The following SFMBT1 variants were observed in gnomAD, a reference collection of about 807,000 sequenced individuals.
SFMBT1 encodes the protein scm-like with four MBT domains protein 1.
Under a neutral mutation model 108.7 loss-of-function variants are expected in SFMBT1, and 32 were observed. The observed-to-expected ratio is 0.29, with a 90% CI of 0.22 to 0.40. The LOEUF (loss-of-function observed/expected upper bound fraction) is 0.40, where lower values mean the gene tolerates loss of function less well. Among genes scored for constraint, SFMBT1 ranks in the 10% least tolerant of loss-of-function variants. The pLI, the probability that SFMBT1 is intolerant of heterozygous loss-of-function variation, is 1.00. For missense variants in SFMBT1, 816 were observed against 1,059.6 expected (o/e 0.77, Z 3.19); for synonymous variants, 348 against 369.5 (o/e 0.94, Z 0.67).
At chr3:52,926,207 G>A (rs189846610) in intron 9 of SFMBT1, 94 bp from the exon 10 acceptor site, 1 of 1,040,512 alleles carries the variant, frequency 9.6e-7, no homozygotes. Context: ...ACAACTTCCA[G>A]TGATGCTAGT....
In SFMBT1 at chr3:52,907,246, T is replaced by C; in HGVS notation, c.2154A>G (p.Thr718=). The C allele has an allele frequency of 6.2e-7, 1 of 1,614,134 alleles. No individual in the cohort carries two copies. Among genetic ancestry groups the C allele is most frequent in the Non-Finnish European group, 8.5e-7 (1 of 1,180,024 alleles). ...GDDDSLSEGS[T]SEQQDELQEE... ...CCTGTAGCTCATCCTGCTGCTCGGATGTACTGCCTTCACTTAGGGAATCAT... is the reference window on the plus strand; with the variant it reads ...CCTGTAGCTCATCCTGCTGCTCGGACGTACTGCCTTCACTTAGGGAATCAT... Residue 718 remains threonine (T), a synonymous_variant, in exon 19 of 21, where the codon ACA becomes ACG. Coordinates refer to ENST00000394752, the MANE Select transcript of SFMBT1 (RefSeq NM_016329.4).
At chr3:53,045,683 C>G (rs1461758224) in intron 1 of SFMBT1, 133 bp downstream of exon 1, 3 of 140,382 alleles carry the variant, frequency 2.1e-5, no homozygotes, top group Non-Finnish European at 4.6e-5. Context: ...CCCGCCGGCG[C>G]CCGGCGGTTT....
intron 1 of SFMBT1, among the ~76,000 whole-genome samples, chr3:52,971,067 T>C (rs1704324500): frequency 6.6e-6 from 1 of 151,580 alleles, no homozygotes; most frequent in Non-Finnish European, 1.5e-5. Context: ...CCCAGGAGGC[T>C]GAGGGTAAGG....
At position 52,995,323 on chromosome 3, in the gene SFMBT1, G is replaced by T. The variant is rs772324545; in HGVS notation, c.-130-26065C>A. ...AAATGGACCATAAACCTAAATGTAAGAGCCAATATTTTTTAATATCCAGAA... is the reference window on the plus strand; with the variant it reads ...AAATGGACCATAAACCTAAATGTAATAGCCAATATTTTTTAATATCCAGAA... On this transcript the variant is annotated intron_variant, in intron 1 of 20. Transcript: ENST00000394752. Among the ~76,000 whole-genome samples the T allele has an allele frequency of 3.2e-4, 48 of 150,228 alleles. 2 individuals are homozygous for T. The highest frequency in any genetic ancestry group is 5.4e-4 in the Non-Finnish European group (36 of 67,074).
Position 52,905,112 on chromosome 3 carries a change from T to C in SFMBT1, c.*24A>G, listed in dbSNP as rs202103457. 100 of 1,612,024 alleles carry C rather than the reference T, an allele frequency of 6.2e-5. No homozygotes were observed. The highest frequency in any genetic ancestry group is 2.5e-4 in the Admixed American group (15 of 59,854). ...ATTTGCTGCATTTGTGCTTCAAAGA[T>C]CCAGCTCACTTTGGTTGTCCTTCTC... On this transcript the variant is annotated 3_prime_UTR_variant, in exon 21 of 21. Transcript: ENST00000394752.
At chr3:52,927,507 T>C (rs1236307049) in intron 9 of SFMBT1, among the ~76,000 whole-genome samples, 1 of 152,188 alleles carries the variant, frequency 6.6e-6, no homozygotes, top group Non-Finnish European at 1.5e-5. Context: ...GCCAATCAAA[T>C]AATCTGATTT....
chr3:52,967,813 A>G (rs139984236), intron 2 of SFMBT1, among the ~76,000 whole-genome samples: 483 of 152,334 alleles, frequency 3.2e-3, no homozygotes, highest in African/African-American at 0.011. Context: ...AACAAAAGTA[A>G]TGACAACACC....
intron 17 of SFMBT1, among the ~76,000 whole-genome samples, chr3:52,908,413 C>T (rs1292482146): frequency 1.3e-5 from 2 of 151,956 alleles, no homozygotes; most frequent in South Asian, 2.1e-4. Context: ...GTTTTTGAGT[C>T]GTGTGTTTTA....
At chr3:52,944,112 G>A (rs945260777) in intron 3 of SFMBT1, among the ~76,000 whole-genome samples, 1 of 152,106 alleles carries the variant, frequency 6.6e-6, no homozygotes, top group Non-Finnish European at 1.5e-5. Flanking sequence ...TCTCAAAAGT[G>A]TTCTAATTTA....
At chr3:53,043,760 T>C (rs1165768267) in intron 1 of SFMBT1, among the ~76,000 whole-genome samples, 2 of 152,240 alleles carry the variant, frequency 1.3e-5, no homozygotes, top group Non-Finnish European at 2.9e-5. Flanking sequence ...TTTTAAGTTA[T>C]TCTGGATTAC....
At chr3:52,927,245 T>C (rs985920288) in intron 9 of SFMBT1, among the ~76,000 whole-genome samples, 1 of 152,154 alleles carries the variant, frequency 6.6e-6, no homozygotes, top group Non-Finnish European at 1.5e-5. Context: ...TTCCCCCTAT[T>C]TGCCCCTTGA....
chr3:52,958,365 C>T (rs1030744958), intron 2 of SFMBT1, among the ~76,000 whole-genome samples: 2 of 152,134 alleles, frequency 1.3e-5, no homozygotes, highest in African/African-American at 2.4e-5. Flanking sequence ...CCGCGGCAGG[C>T]GGACCACTTG....
rs367727549 is a variant in SFMBT1, at chr3:52,945,136, T to TAAAAAAAAAAAAAAAAAAAA, written c.124-1544_124-1543insTTTTTTTTTTTTTTTTTTTT. On this transcript the variant is annotated intron_variant, in intron 3 of 20. Coordinates refer to ENST00000394752, the MANE Select transcript of SFMBT1 (RefSeq NM_016329.4). Reference sequence around the variant, plus strand: ...TGATTTCCAAATACCACCTTCCAATTAAAAAAAAAAAAAAACAAGGACTTC... The same window carrying TAAAAAAAAAAAAAAAAAAAA: ...TGATTTCCAAATACCACCTTCCAATTAAAAAAAAAAAAAAAAAAAAAAAAAAAAAAAAAAACAAGGACTTC... Among the ~76,000 whole-genome samples the TAAAAAAAAAAAAAAAAAAAA allele has an allele frequency of 2.0e-3, 98 of 48,498 alleles. 13 individuals are homozygous for TAAAAAAAAAAAAAAAAAAAA. The highest frequency in any genetic ancestry group is 7.6e-3 in the East Asian group (11 of 1,440). 31.8% of individuals were successfully genotyped at this position (48,498 alleles called of 152,430 possible). A position where few individuals can be genotyped will look rare whatever the true frequency, so the allele number is the denominator to read the frequency against.
At chr3:52,927,697 C>T (rs1219415161) in intron 9 of SFMBT1, among the ~76,000 whole-genome samples, 1 of 152,188 alleles carries the variant, frequency 6.6e-6, no homozygotes, top group Non-Finnish European at 1.5e-5. Flanking sequence ...TTCCTACCTA[C>T]TCCCTGAGTT....
At chr3:52,978,072 T>C (rs990155805) in intron 1 of SFMBT1, among the ~76,000 whole-genome samples, 2 of 152,144 alleles carry the variant, frequency 1.3e-5, no homozygotes, top group African/African-American at 4.8e-5. Flanking sequence ...ATGAAGCTTA[T>C]ATTTTAGTGT....
chr3:53,044,826 C>G (rs1039219753), intron 1 of SFMBT1: 8 of 152,740 alleles, frequency 5.2e-5, no homozygotes, highest in Non-Finnish European at 7.3e-5. Context: ...AACACCCCCA[C>G]CTGACCCAAG....
chr3:53,000,755 C>T (rs1456770520), intron 1 of SFMBT1, among the ~76,000 whole-genome samples: 2 of 150,082 alleles, frequency 1.3e-5, no homozygotes, highest in African/African-American at 4.8e-5. Context: ...ATGCCTAATG[C>T]ATGTCCTTTG....
chr3:52,913,337 C>A, intron 15 of SFMBT1, 141 bp downstream of exon 15: 2 of 1,035,054 alleles, frequency 1.9e-6, no homozygotes, highest in South Asian at 3.7e-5. Flanking sequence ...ACCCTCTTCA[C>A]TGTCCAAAAC....
chr3:52,990,337 A>G (rs1291468218), intron 1 of SFMBT1, among the ~76,000 whole-genome samples: 1 of 152,228 alleles, frequency 6.6e-6, no homozygotes, highest in Non-Finnish European at 1.5e-5. Flanking sequence ...TGGTATTTTG[A>G]AGAGTATCAC....
Sources: gnomAD v4.1 joint callset for allele counts (sites outside exome capture counted in the v4.1 genomes callset) on GRCh38, gnomAD v4.1.1 for gene constraint, MANE v1.5 for transcripts, NCBI Gene and HGNC (gene_info 2026-07-23, HGNC 2026-07-21) for gene names.